Variants in ZNF804A observed in about 807,000 individuals in gnomAD.
ZNF804A encodes zinc finger protein 804A.
ZNF804A carries 2 observed loss-of-function variants against 16.5 expected under a neutral mutation model. That is an observed-to-expected ratio of 0.12 (90% CI 0.05 to 0.38). The LOEUF (loss-of-function observed/expected upper bound fraction) is 0.38, where lower values mean the gene tolerates loss of function less well. Ranked by LOEUF, ZNF804A falls within the 10% of genes least tolerant of loss-of-function variation. The pLI, the probability that ZNF804A is intolerant of heterozygous loss-of-function variation, is 0.99. For synonymous variants in ZNF804A, 534 were observed against 489.6 expected, an observed-to-expected ratio of 1.09 and a Z score of -1.20; for missense variants, 1,473 against 1,390.7, an observed-to-expected ratio of 1.06 and a Z score of -0.94.
At chr2:184,713,020 T>A (rs1439240462) in intron 1 of ZNF804A, among the ~76,000 whole-genome samples, 2 of 151,824 alleles carry the variant, frequency 1.3e-5, no homozygotes, top group African/African-American at 4.8e-5. Context: ...TTTCCATTTC[T>A]AATTTAGGTA....
chr2:184,932,585 T>C (rs1685719663), intron 2 of ZNF804A, among the ~76,000 whole-genome samples: 1 of 152,152 alleles, frequency 6.6e-6, no homozygotes, highest in South Asian at 2.1e-4. Context: ...GATGCTACAA[T>C]TCAAGATGAG....
At chr2:184,749,812 A>G (rs1021171428) in intron 1 of ZNF804A, among the ~76,000 whole-genome samples, 1 of 151,240 alleles carries the variant, frequency 6.6e-6, no homozygotes, top group Non-Finnish European at 1.5e-5. Context: ...GCATTCAAGT[A>G]AAACTGCTAA....
At chr2:184,651,129 A>T (rs1160246614) in intron 1 of ZNF804A, among the ~76,000 whole-genome samples, 1 of 152,094 alleles carries the variant, frequency 6.6e-6, no homozygotes, top group Non-Finnish European at 1.5e-5. Context: ...GAGAACACAG[A>T]AAAAAAGCCA....
chr2:184,840,780 T>A (rs1695425430), intron 1 of ZNF804A, among the ~76,000 whole-genome samples: 1 of 152,104 alleles, frequency 6.6e-6, no homozygotes, highest in Non-Finnish European at 1.5e-5. Context: ...TAAATTAAAT[T>A]GTTTAATAAG....
At chr2:184,862,731 C>A (rs527686548) in intron 1 of ZNF804A, among the ~76,000 whole-genome samples, 56 of 151,568 alleles carry the variant, frequency 3.7e-4, no homozygotes, top group African/African-American at 1.3e-3. Flanking sequence ...AGAAATAAAG[C>A]AAAGAGATGG....
At chr2:184,680,543 C>T (rs1274076235) in intron 1 of ZNF804A, among the ~76,000 whole-genome samples, 3 of 152,230 alleles carry the variant, frequency 2.0e-5, no homozygotes, top group Non-Finnish European at 4.4e-5. Context: ...AAAGACTGTG[C>T]ATCTCTTCTC....
At chr2:184,876,722 C>G (rs962836996) in intron 2 of ZNF804A, among the ~76,000 whole-genome samples, 12 of 152,080 alleles carry the variant, frequency 7.9e-5, no homozygotes, top group Admixed American at 1.3e-4. Flanking sequence ...TTTCGTACAC[C>G]TTCCCCAAGT....
chr2:184,844,253 A>T (rs936077967), intron 1 of ZNF804A, among the ~76,000 whole-genome samples: 1 of 151,698 alleles, frequency 6.6e-6, no homozygotes, highest in Non-Finnish European at 1.5e-5. Context: ...CATTTTCAGT[A>T]TTATTGCTTA....
At chr2:184,600,447 C>T (rs1156714404) in intron 1 of ZNF804A, among the ~76,000 whole-genome samples, 3 of 152,166 alleles carry the variant, frequency 2.0e-5, no homozygotes, top group African/African-American at 7.2e-5. Flanking sequence ...TACTCTTCTG[C>T]AGTCTTCTTT....
intron 2 of ZNF804A, among the ~76,000 whole-genome samples, chr2:184,932,398 G>C (rs1167401983): frequency 6.6e-6 from 1 of 152,142 alleles, no homozygotes; most frequent in Non-Finnish European, 1.5e-5. Context: ...CAAAGGAGGA[G>C]CAAAGTCACG....
At chr2:184,848,140 A>G (rs892555533) in intron 1 of ZNF804A, among the ~76,000 whole-genome samples, 2 of 152,022 alleles carry the variant, frequency 1.3e-5, no homozygotes, top group African/African-American at 4.8e-5. Flanking sequence ...CCTTCTAATC[A>G]TGTCTTGGAC....
At chr2:184,686,716 A>G (rs1245272056) in intron 1 of ZNF804A, among the ~76,000 whole-genome samples, 2 of 152,040 alleles carry the variant, frequency 1.3e-5, no homozygotes, top group African/African-American at 2.4e-5. Flanking sequence ...GTTGTTTTTG[A>G]CTTTTTAATA....
intron 1 of ZNF804A, among the ~76,000 whole-genome samples, chr2:184,789,467 C>CTTTGGTTTGGGTTTGA (rs1694499078): frequency 1.3e-5 from 2 of 151,816 alleles, no homozygotes. Flanking sequence ...TGGTCCTAGG[C>CTTTGGTTTGGGTTTGA]TTTGTTGTTG....
chr2:184,627,612 T>C (rs1691526616), intron 1 of ZNF804A, among the ~76,000 whole-genome samples: 1 of 152,230 alleles, frequency 6.6e-6, no homozygotes, highest in South Asian at 2.1e-4. Flanking sequence ...AATAAGTGTA[T>C]ATGCAAATGT....
At chr2:184,892,738 C>T (rs1167653007) in intron 2 of ZNF804A, among the ~76,000 whole-genome samples, 1 of 152,102 alleles carries the variant, frequency 6.6e-6, no homozygotes, top group African/African-American at 2.4e-5. Context: ...CCAGGCCAGC[C>T]TCCCAAAGTG....
At chr2:184,677,206 G>A (rs1209568673) in intron 1 of ZNF804A, among the ~76,000 whole-genome samples, 1 of 151,950 alleles carries the variant, frequency 6.6e-6, no homozygotes, top group Non-Finnish European at 1.5e-5. Context: ...TGAGGATTTA[G>A]AAAGGTTTCA....
At chr2:184,921,202 T>C (rs945955858) in intron 2 of ZNF804A, among the ~76,000 whole-genome samples, 1 of 152,228 alleles carries the variant, frequency 6.6e-6, no homozygotes, top group Admixed American at 6.5e-5. Context: ...AAATATGACA[T>C]GGAACTTTAT....
intron 1 of ZNF804A, among the ~76,000 whole-genome samples, chr2:184,746,312 A>G (rs1161699156): frequency 6.6e-6 from 1 of 151,394 alleles, no homozygotes; most frequent in Non-Finnish European, 1.5e-5. Context: ...GGACCCATTA[A>G]CTAATCTGCC....
intron 2 of ZNF804A, among the ~76,000 whole-genome samples, chr2:184,884,415 C>T (rs1156511073): frequency 6.6e-6 from 1 of 151,820 alleles, no homozygotes; most frequent in African/African-American, 2.4e-5. Flanking sequence ...ACCAAACTAC[C>T]AATGATAGTC....
Sources: gnomAD v4.1 joint callset for allele counts (sites outside exome capture counted in the v4.1 genomes callset) on GRCh38, gnomAD v4.1.1 for gene constraint, MANE v1.5 for transcripts, NCBI Gene and HGNC (gene_info 2026-07-23, HGNC 2026-07-21) for gene names.